Variants in NCF2 observed in about 807,000 individuals in gnomAD.
NCF2 encodes neutrophil cytosol factor 2.
NCF2 carries 45 observed loss-of-function variants against 70.9 expected under a neutral mutation model. The ratio of observed to expected loss-of-function variants is 0.63; its 90% confidence interval spans 0.50 to 0.81. The LOEUF (loss-of-function observed/expected upper bound fraction) is 0.81. Ranked by LOEUF, NCF2 falls within the 40% of genes least tolerant of loss-of-function variation. The pLI is 0.00. For synonymous variants in NCF2, 203 were observed against 233.6 expected, an observed-to-expected ratio of 0.87 and a Z score of 1.19; for missense variants, 522 against 631.6, an observed-to-expected ratio of 0.83 and a Z score of 1.86.
chr1:183,569,652 G>A (rs573245754), intron 6 of NCF2, among the ~76,000 whole-genome samples: 33 of 152,218 alleles, frequency 2.2e-4, no homozygotes, highest in East Asian at 5.8e-4. Flanking sequence ...GCAGTGGCGC[G>A]ATCTTGGCTC....
rs1366034381 is a variant in NCF2 at position 183,564,042 on chromosome 1, A to G, written c.1001-12T>C. On this transcript the variant is annotated splice_polypyrimidine_tract_variant and intron_variant, in intron 10 of 14. Transcript: ENST00000367535. ...TTTTTGTTTCTGGCCTGAATGGAAA[A>G]AGTAGGGAGTAAAACAAAAGAAGAT... 5 of 1,608,892 alleles carry G rather than the reference A, an allele frequency of 3.1e-6. No individual in the cohort carries two copies. Among genetic ancestry groups the G allele is most frequent in the Admixed American group, 1.7e-5 (1 of 60,016 alleles).
intron 2 of NCF2, among the ~76,000 whole-genome samples, chr1:183,582,641 G>A (rs1283671445): frequency 1.3e-5 from 2 of 152,212 alleles, no homozygotes; most frequent in Non-Finnish European, 2.9e-5. Context: ...TTGGGATGCT[G>A]CAGTGGCTGC....
At chr1:183,573,059 G>C in intron 5 of NCF2, 126 bp downstream of exon 5, 1 of 860,082 alleles carries the variant, frequency 1.2e-6, no homozygotes, top group Non-Finnish European at 2.0e-6. Context: ...CTATAAACAA[G>C]TCTCTCATTG....
intron 4 of NCF2, 61 bp from the exon 5 acceptor site, chr1:183,573,353 GCCTC>G (rs1672657095): frequency 1.4e-6 from 2 of 1,423,878 alleles, no homozygotes. Flanking sequence ...TGCTTGTCCT[GCCTC>G]CCTCAGTGAA....
At chr1:183,567,399 C>T (rs112923747) in intron 7 of NCF2, 54 bp from the exon 8 acceptor site, 30 of 1,609,780 alleles carry the variant, frequency 1.9e-5, no homozygotes, top group Middle Eastern at 3.3e-4. Flanking sequence ...GATGCCATGG[C>T]GCAAATACAC....
the NCF2 span, among the ~76,000 whole-genome samples, chr1:183,600,695 C>T: frequency 6.6e-6 from 1 of 152,056 alleles, no homozygotes; most frequent in Non-Finnish European, 1.5e-5. Context: ...AGGCTCTTCA[C>T]TCTGGGGCTT....
At chr1:183,582,958 T>TA (rs34712183) in intron 2 of NCF2, among the ~76,000 whole-genome samples, 22,138 of 151,926 alleles carry the variant, frequency 0.15, 2,053 homozygotes, top group African/African-American at 0.26. Context: ...CACAAAAACA[T>TA]ACGAAAGTGG....
chr1:183,583,067 T>A (rs966400911), intron 2 of NCF2, among the ~76,000 whole-genome samples: 4 of 152,228 alleles, frequency 2.6e-5, no homozygotes, highest in African/African-American at 7.2e-5. Context: ...CTTTTTTTTT[T>A]ATTCAGACAG....
Position 183,581,753 on chromosome 1 carries a change from C to T in NCF2, c.258-4046G>A, listed in dbSNP as rs1572171789. On this transcript the variant is annotated intron_variant, in intron 2 of 14. Transcript: ENST00000367535. ...GCGCGATCTCGGCTCACTGGAAGCT[C>T]CGCCTCCCGGTTCACGCCATTCTCC... Among the ~76,000 whole-genome samples the T allele has an allele frequency of 7.2e-5, 11 of 152,040 alleles. No homozygotes were observed. In the South Asian group the frequency reaches 2.3e-3, roughly 32 times the overall value.
chr1:183,576,190 G>A (rs553596694), intron 3 of NCF2, among the ~76,000 whole-genome samples: 2 of 152,274 alleles, frequency 1.3e-5, no homozygotes, highest in East Asian at 3.9e-4. Context: ...ATGACTGGAA[G>A]GTCCCATGTG....
Position 183,555,861 on chromosome 1 carries a change from C to CT in NCF2, c.*256dup. On this transcript the variant is annotated 3_prime_UTR_variant, in exon 15 of 15. Coordinates refer to ENST00000367535, the MANE Select transcript of NCF2 (RefSeq NM_000433.4). ...AGTACCTGGAAGACTCTCTCGTGCC[C>CT]TTTCCAGACACTTCCATCCACTTTT... 1.8e-6 allele frequency: 1 copy of CT among 555,964 alleles called. No individual in the cohort carries two copies. The highest frequency in any genetic ancestry group is 3.2e-6 in the Non-Finnish European group (1 of 309,552). 34.4% of individuals were successfully genotyped at this position (555,964 alleles called of 1,614,324 possible). A position where few individuals can be genotyped will look rare whatever the true frequency, so the allele number is the denominator to read the frequency against.
At chr1:183,560,028 C>A in intron 14 of NCF2, 68 bp downstream of exon 14, 1 of 1,502,092 alleles carries the variant, frequency 6.7e-7, no homozygotes, top group Non-Finnish European at 9.2e-7. Flanking sequence ...ATATTTTCTT[C>A]TCTCTGCCCT....
chr1:183,595,389 G>C (rs944244471), upstream of NCF2, among the ~76,000 whole-genome samples: 1 of 152,198 alleles, frequency 6.6e-6, no homozygotes, highest in Non-Finnish European at 1.5e-5. Context: ...CTAATCTGTC[G>C]TTGGGTTGGT....
the NCF2 span, among the ~76,000 whole-genome samples, chr1:183,599,199 A>AT: frequency 3.5e-3 from 537 of 152,274 alleles, 2 homozygotes; most frequent in Non-Finnish European, 5.4e-3. Flanking sequence ...CCTGGGAAAC[A>AT]TAGCAAGATC....
intron 3 of NCF2, among the ~76,000 whole-genome samples, chr1:183,574,895 G>A (rs1160003679): frequency 6.6e-6 from 1 of 152,206 alleles, no homozygotes; most frequent in Non-Finnish European, 1.5e-5. Context: ...AAGAATTATT[G>A]TATACAGTGT....
At chr1:183,573,012 T>C (rs558537040) in intron 5 of NCF2, among the ~76,000 whole-genome samples, 173 bp downstream of exon 5, 1 of 152,328 alleles carries the variant, frequency 6.6e-6, no homozygotes, top group East Asian at 1.9e-4. Context: ...GAAAATAAAC[T>C]AGACATGGTT....
At position 183,574,656 on chromosome 1, in the gene NCF2, A is replaced by G. The variant is rs774302447; in HGVS notation, c.367-35T>C. ...TACAGACCGCAACATAAAACTTGAGACTACTCCAAATCAAGGTGCCAGGGA... is the reference window on the plus strand; with the variant it reads ...TACAGACCGCAACATAAAACTTGAGGCTACTCCAAATCAAGGTGCCAGGGA... On this transcript the variant is annotated intron_variant, in intron 3 of 14. Coordinates refer to ENST00000367535, the MANE Select transcript of NCF2 (RefSeq NM_000433.4). 7 of 1,613,248 alleles carry G rather than the reference A, an allele frequency of 4.3e-6. No individual in the cohort carries two copies. The South Asian group carries it at 7.7e-5, about 18-fold the overall frequency.
At chr1:183,560,407 G>T in intron 13 of NCF2, 134 bp from the exon 14 acceptor site, 1 of 1,024,604 alleles carries the variant, frequency 9.8e-7, no homozygotes, top group Non-Finnish European at 1.5e-6. Flanking sequence ...AGTGCCTTGT[G>T]TAGAGCTTAT....
chr1:183,588,634 T>C (rs1673489705), intron 1 of NCF2, among the ~76,000 whole-genome samples: 1 of 152,086 alleles, frequency 6.6e-6, no homozygotes, highest in South Asian at 2.1e-4. Context: ...ATATAAATTG[T>C]TATATTTGTT....
Sources: allele counts gnomAD v4.1 joint callset (sites outside exome capture counted in the v4.1 genomes callset), GRCh38; gene constraint gnomAD v4.1.1; transcripts MANE v1.5; gene names NCBI Gene and HGNC (gene_info 2026-07-23, HGNC 2026-07-21).